DVL1: variants seen among roughly 807,000 people sequenced by gnomAD.
DVL1 encodes the protein segment polarity protein dishevelled homolog DVL-1.
Under a neutral mutation model 65.0 loss-of-function variants are expected in DVL1, and 49 were observed. The ratio of observed to expected loss-of-function variants is 0.75; its 90% confidence interval spans 0.60 to 0.96. The LOEUF (loss-of-function observed/expected upper bound fraction) is 0.96, where lower values mean the gene tolerates loss of function less well. Among genes scored for constraint, DVL1 ranks in the 40% least tolerant of loss-of-function variants. The pLI is 0.00. For synonymous variants in DVL1, 608 were observed against 433.9 expected, an observed-to-expected ratio of 1.40 and a Z score of -4.99; for missense variants, 1,197 against 1,045.4, an observed-to-expected ratio of 1.15 and a Z score of -2.00.
rs1643862863 is a variant in DVL1, at chr1:1,342,380, G to T, written c.345C>A (p.Ser115=). The change falls in exon 3 of 15, where the codon TCC becomes TCA. Residue 115 remains serine, a synonymous_variant. Coordinates refer to ENST00000378888, the MANE Select transcript of DVL1 (RefSeq NM_001330311.2). ...PLERTGGIGD[S]RPPSFHPNVA... is the part of the protein sequence containing the mutation. ...GTCCTTACTGGAAGGAGGGGGGCCG[G>T]GAGTCCCCGATGCCGCCTGTCCGCT... 3.2e-6 allele frequency: 5 copies of T among 1,583,408 alleles called. No homozygotes were observed. Among genetic ancestry groups the T allele is most frequent in the Non-Finnish European group, 2.6e-6 (3 of 1,166,686 alleles).
At chr1:1,347,606 A>G (rs932542854) in intron 1 of DVL1, among the ~76,000 whole-genome samples, 1 of 152,194 alleles carries the variant, frequency 6.6e-6, no homozygotes, top group Non-Finnish European at 1.5e-5. Flanking sequence ...CTTTCGTTAG[A>G]ATAATAAACT....
intron 11 of DVL1, among the ~76,000 whole-genome samples, chr1:1,338,887 G>A (rs1402397243): frequency 1.3e-5 from 2 of 152,198 alleles, no homozygotes; most frequent in Non-Finnish European, 2.9e-5. Flanking sequence ...CAGGATCCTA[G>A]GCACAAACTG....
At chr1:1,348,305 G>C (rs777251022) in intron 1 of DVL1, among the ~76,000 whole-genome samples, 1 of 152,214 alleles carries the variant, frequency 6.6e-6, no homozygotes, top group African/African-American at 2.4e-5. Context: ...GGGAACGCAA[G>C]TGCTTTGTGG....
chr1:1,341,637 G>A (rs1213451557), intron 5 of DVL1, 30 bp downstream of exon 5: 3 of 1,577,070 alleles, frequency 1.9e-6, no homozygotes, highest in Non-Finnish European at 1.7e-6. Flanking sequence ...GGGCACACAG[G>A]CATACACGCC....
chr1:1,345,667 C>CA (rs1643904979), intron 1 of DVL1, among the ~76,000 whole-genome samples: 1 of 152,190 alleles, frequency 6.6e-6, no homozygotes, highest in African/African-American at 2.4e-5. Context: ...CCCTGGGAGC[C>CA]AGCATGGCCA....
At chr1:1,347,712 G>A (rs575312787) in intron 1 of DVL1, among the ~76,000 whole-genome samples, 1 of 152,344 alleles carries the variant, frequency 6.6e-6, no homozygotes, top group South Asian at 2.1e-4. Context: ...CCCAGCTGGG[G>A]AGGAGCCCGG....
At position 1,348,947 on chromosome 1, in the gene DVL1, C is replaced by T. The variant is rs766310158; in HGVS notation, c.119G>A (p.Arg40Gln). 27 of 1,574,598 alleles carry T rather than the reference C, an allele frequency of 1.7e-5. No individual in the cohort carries two copies. The highest frequency in any genetic ancestry group is 3.4e-5 in the Admixed American group (2 of 58,262). The change falls in exon 1 of 15, where the codon CGG becomes CAG. Residue 40 changes from arginine (R) to glutamine (Q), a missense_variant. Transcript: ENST00000378888. ...GAAGAATTTGTAGGCGTGCACGGGC[C>T]GGTTGCTGAGCACGTTCTTGAAGTC... ...LADFKNVLSN[R>Q]PVHAYKFFFK... is the part of the protein sequence containing the mutation.
chr1:1,346,227 G>A (rs542729298), intron 1 of DVL1, among the ~76,000 whole-genome samples: 16 of 152,200 alleles, frequency 1.1e-4, no homozygotes, highest in East Asian at 7.8e-4. Flanking sequence ...TCACAACACC[G>A]AGGCCCATGG....
intron 1 of DVL1, among the ~76,000 whole-genome samples, chr1:1,345,626 G>GC (rs1207743411): frequency 6.6e-6 from 1 of 152,144 alleles, no homozygotes; most frequent in Non-Finnish European, 1.5e-5. Flanking sequence ...CCACAGACCC[G>GC]CCCCGGGGAG....
At chr1:1,336,821 C>G (rs1270663712) in intron 14 of DVL1, among the ~76,000 whole-genome samples, 4 of 152,144 alleles carry the variant, frequency 2.6e-5, no homozygotes, top group Non-Finnish European at 5.9e-5. Flanking sequence ...GAGGTGCCAG[C>G]GAGGGCCCCT....
Position 1,340,173 on chromosome 1 carries a change from T to C in DVL1, c.774A>G (p.Arg258=), listed in dbSNP as rs1643741914. The change falls in exon 8 of 15, where the codon AGA becomes AGG. Residue 258 remains arginine (R), a synonymous_variant. Coordinates refer to ENST00000378888, the MANE Select transcript of DVL1 (RefSeq NM_001330311.2). ...CGATGCTGATGCCCAGAAAGTGATGTCTTTCTGCAGGAAGAGCCATGAGCC... is the reference window on the plus strand; with the variant it reads ...CGATGCTGATGCCCAGAAAGTGATGCCTTTCTGCAGGAAGAGCCATGAGCC... ...NIVTVTLNME[R]HHFLGISIVG... is the part of the protein sequence containing the mutation. 1 of 1,613,620 alleles carries C rather than the reference T, an allele frequency of 6.2e-7. No individual in the cohort carries two copies. Among genetic ancestry groups the C allele is most frequent in the African/African-American group, 1.3e-5 (1 of 74,990 alleles).
At position 1,338,610 on chromosome 1, in the gene DVL1, G is replaced by A. The variant is rs751033868; in HGVS notation, c.1251C>T (p.Ala417=). The A allele has an allele frequency of 2.8e-5, 45 of 1,611,894 alleles. No individual in the cohort carries two copies. The highest frequency in any genetic ancestry group is 3.3e-5 in the South Asian group (3 of 91,084). ...CTGGCAGCTGCATGACCCGGACGAC[G>A]GCGCTCATGTCACTCTTCACCGTCA... ...APLTVKSDMS[A]VVRVMQLPDS... Residue 417 remains alanine (A), a synonymous_variant, in exon 12 of 15, where the codon GCC becomes GCT. Coordinates refer to ENST00000378888, the MANE Select transcript of DVL1 (RefSeq NM_001330311.2).
chr1:1,336,753 G>A (rs557989613), intron 14 of DVL1, among the ~76,000 whole-genome samples: 167 of 152,284 alleles, frequency 1.1e-3, no homozygotes, highest in Non-Finnish European at 2.0e-3. Flanking sequence ...CAAGCTGGGC[G>A]CCCCCACACC....
intron 3 of DVL1, 68 bp downstream of exon 3, chr1:1,342,295 C>A: frequency 1.3e-6 from 2 of 1,506,746 alleles, no homozygotes; most frequent in Non-Finnish European, 1.8e-6. Context: ...AGGCCTCCCT[C>A]CCCTGTTGGC....
chr1:1,338,229 T>TTGGCCCCCCCCCCCCCCCCACC, intron 13 of DVL1, 40 bp downstream of exon 13: 1 of 1,522,372 alleles, frequency 6.6e-7, no homozygotes, highest in Non-Finnish European at 9.0e-7. Context: ...CCTCCGGCGT[T>TTGGCCCCCCCCCCCCCCCCACC]CCCCTCCCCC....
rs1427151625 is a variant in DVL1 at position 1,339,240 on chromosome 1, C to T, written c.1207+47G>A. Reference sequence around the variant, plus strand: ...ATGCTGGAGGCTGGCAGAGACGCCCCCTCCAAGCCTCGGTTTCTGCTGGGG... The same window carrying T: ...ATGCTGGAGGCTGGCAGAGACGCCCTCTCCAAGCCTCGGTTTCTGCTGGGG... On this transcript the variant is annotated intron_variant, in intron 11 of 14. Coordinates refer to ENST00000378888, the MANE Select transcript of DVL1 (RefSeq NM_001330311.2). 5.8e-6 allele frequency: 9 copies of T among 1,547,220 alleles called. No homozygotes were observed. In the East Asian group the frequency reaches 1.2e-4, roughly 21 times the overall value.
At position 1,349,178 on chromosome 1, in the gene DVL1, C is replaced by T; in HGVS notation, c.-113G>A. On this transcript the variant is annotated 5_prime_UTR_variant, in exon 1 of 15. Transcript: ENST00000378888. The surrounding 1 kb of genome is among the most constrained non-coding windows in gnomAD (Gnocchi z 4.1). Reference sequence around the variant, plus strand: ...GCCCGGCCCGCACCGCTCTCGGCCCCGACGCTCCGAGGCCCCCGGGCGCCC... The same window carrying T: ...GCCCGGCCCGCACCGCTCTCGGCCCTGACGCTCCGAGGCCCCCGGGCGCCC... 4.6e-6 allele frequency: 3 copies of T among 654,848 alleles called. No homozygotes were observed. The highest frequency in any genetic ancestry group is 5.6e-6 in the Non-Finnish European group (3 of 531,098). 40.6% of individuals were successfully genotyped at this position (654,848 alleles called of 1,614,324 possible). A position where few individuals can be genotyped will look rare whatever the true frequency, so the allele number is the denominator to read the frequency against.
rs1643575445 is a variant in DVL1, at chr1:1,336,405, G to A, written c.1825C>T (p.Pro609Ser). The A allele has an allele frequency of 6.3e-7, 1 of 1,599,116 alleles. No homozygotes were observed. Among genetic ancestry groups the A allele is most frequent in the African/African-American group, 1.3e-5 (1 of 74,810 alleles). The change falls in exon 15 of 15, where the codon CCG becomes TCG. Residue 609 changes from proline to serine, a missense_variant. Coordinates refer to ENST00000378888, the MANE Select transcript of DVL1 (RefSeq NM_001330311.2). ...GSGSESDHTA[P>S]SGVGSSWRER... The stretch of plus-strand genomic sequence containing the variant: ...CGCCAGCTGCTCCCCACCCCACTCG[G>A]TGCCGTGTGATCCGATTCACTGCCA...
chr1:1,348,491 C>A (rs1459255631), intron 1 of DVL1, among the ~76,000 whole-genome samples: 1 of 152,208 alleles, frequency 6.6e-6, no homozygotes, highest in African/African-American at 2.4e-5. Flanking sequence ...GGTTGGTGAA[C>A]CTGTACCCCC....
Sources: allele counts gnomAD v4.1 joint callset (sites outside exome capture counted in the v4.1 genomes callset), GRCh38; gene constraint gnomAD v4.1.1; non-coding constraint Gnocchi (gnomAD v3.1); transcripts MANE v1.5; gene names NCBI Gene and HGNC (gene_info 2026-07-23, HGNC 2026-07-21).